Variants in RABGAP1L observed in about 807,000 individuals in gnomAD.
RABGAP1L encodes the protein rab GTPase-activating protein 1-like.
A neutral mutation model predicts 137.7 loss-of-function variants in RABGAP1L; 63 were observed. The observed-to-expected ratio is 0.46, with a 90% confidence interval of 0.37 to 0.56. RABGAP1L has a LOEUF of 0.56. RABGAP1L is among the 20% of genes least tolerant of loss of function. The pLI is 0.00. For missense variants in RABGAP1L, 1,095 were observed against 1,244.0 expected, an observed-to-expected ratio of 0.88 and a Z score of 1.80; for synonymous variants, 431 against 433.7, an observed-to-expected ratio of 0.99 and a Z score of 0.08.
intron 17 of RABGAP1L, among the ~76,000 whole-genome samples, chr1:174,739,026 C>G (rs1683176156): frequency 6.6e-6 from 1 of 152,148 alleles, no homozygotes; most frequent in Admixed American, 6.6e-5. Context: ...GGAGACATCT[C>G]CTCCTCACTA....
At chr1:174,200,224 A>G (rs1284348885) in intron 1 of RABGAP1L, among the ~76,000 whole-genome samples, 5 of 152,348 alleles carry the variant, frequency 3.3e-5, no homozygotes, top group Middle Eastern at 3.4e-3. Flanking sequence ...ATGAACTACA[A>G]AAGGATCTAT....
At chr1:174,907,099 A>T (rs890017771) in intron 19 of RABGAP1L, among the ~76,000 whole-genome samples, 1 of 152,180 alleles carries the variant, frequency 6.6e-6, no homozygotes, top group South Asian at 2.1e-4. Context: ...TTTTCAAGAT[A>T]TAAAACCCAC....
intron 19 of RABGAP1L, among the ~76,000 whole-genome samples, chr1:174,950,096 A>G (rs1667487256): frequency 6.6e-6 from 1 of 152,232 alleles, no homozygotes; most frequent in Non-Finnish European, 1.5e-5. Context: ...GGAAAGCTAG[A>G]CATGTCAGAT....
At chr1:174,710,009 G>A (rs1322630750) in intron 17 of RABGAP1L, among the ~76,000 whole-genome samples, 2 of 152,122 alleles carry the variant, frequency 1.3e-5, no homozygotes, top group East Asian at 1.9e-4. Flanking sequence ...CGAGAACTTC[G>A]TGAAGCATAC....
intron 17 of RABGAP1L, among the ~76,000 whole-genome samples, chr1:174,730,670 G>C (rs1682389948): frequency 6.6e-6 from 1 of 152,116 alleles, no homozygotes. Context: ...GGGTTCAACA[G>C]GATAAAGTGT....
At chr1:174,162,501 A>G (rs561113754) in intron 1 of RABGAP1L, among the ~76,000 whole-genome samples, 2 of 152,216 alleles carry the variant, frequency 1.3e-5, no homozygotes, top group South Asian at 2.1e-4. Flanking sequence ...TCCTATATTG[A>G]AGGTGTAGAA....
chr1:174,333,787 CTT>C (rs1681242927), intron 11 of RABGAP1L, among the ~76,000 whole-genome samples: 1 of 152,196 alleles, frequency 6.6e-6, no homozygotes, highest in African/African-American at 2.4e-5. Flanking sequence ...GGAAGGCTCA[CTT>C]GATCTGGAGC....
chr1:174,911,308 T>G (rs1419399033), intron 19 of RABGAP1L, among the ~76,000 whole-genome samples: 1 of 152,226 alleles, frequency 6.6e-6, no homozygotes, highest in Non-Finnish European at 1.5e-5. Flanking sequence ...TATTTTTGCT[T>G]TTTTTAAAGA....
At position 174,957,634 on chromosome 1, in the gene RABGAP1L, C is replaced by G. The variant is rs1668675956; in HGVS notation, c.2433+85C>G. ...GTCTTGCCGTGTTGCCCAGGCTGGT[C>G]TTGAACACCTGGCCTCAAGCAATCC... On this transcript the variant is annotated intron_variant, in intron 20 of 25. Transcript: ENST00000681986. 22 of 1,215,304 alleles carry G rather than the reference C, an allele frequency of 1.8e-5. No homozygotes were observed. In the South Asian group the frequency reaches 2.7e-4, roughly 15 times the overall value. The allele number at this position is 1,215,304 out of a possible 1,614,324, so 75.3% of individuals were successfully genotyped here. A position where few individuals can be genotyped will look rare whatever the true frequency, so the allele number is the denominator to read the frequency against.
chr1:174,611,475 G>A (rs1361031544), intron 13 of RABGAP1L, among the ~76,000 whole-genome samples: 2 of 150,324 alleles, frequency 1.3e-5, no homozygotes, highest in African/African-American at 4.9e-5. Flanking sequence ...AGTATAGTTT[G>A]AAGTCAGGTA....
intron 16 of RABGAP1L, chr1:174,701,226 TA>T: frequency 7.9e-7 from 1 of 1,271,710 alleles, no homozygotes; most frequent in Non-Finnish European, 1.0e-6. Context: ...GAGAAAAAAA[TA>T]AAGTTACCAT....
intron 14 of RABGAP1L, among the ~76,000 whole-genome samples, chr1:174,673,247 G>A (rs994761177): frequency 6.6e-6 from 1 of 152,130 alleles, no homozygotes. Flanking sequence ...GGAAACTGAT[G>A]ATAATGAAGA....
chr1:174,947,303 C>G (rs555491448), intron 19 of RABGAP1L, among the ~76,000 whole-genome samples: 3 of 150,806 alleles, frequency 2.0e-5, no homozygotes, highest in Non-Finnish European at 2.9e-5. Flanking sequence ...TGGTCTCAAA[C>G]TCTCAAACTC....
chr1:174,919,419 C>T (rs959752121), intron 19 of RABGAP1L, among the ~76,000 whole-genome samples: 8 of 152,170 alleles, frequency 5.3e-5, no homozygotes, highest in Admixed American at 2.0e-4. Flanking sequence ...TCGGCTTCTC[C>T]GTATGTCTTG....
chr1:174,612,715 T>G (rs1557898919), intron 13 of RABGAP1L, among the ~76,000 whole-genome samples: 1 of 152,214 alleles, frequency 6.6e-6, no homozygotes, highest in Non-Finnish European at 1.5e-5. Flanking sequence ...AAGCTATTGA[T>G]TATTGCCACA....
intron 1 of RABGAP1L, among the ~76,000 whole-genome samples, chr1:174,178,163 T>C (rs1354738814): frequency 6.6e-6 from 1 of 152,196 alleles, no homozygotes; most frequent in African/African-American, 2.4e-5. Flanking sequence ...CCTTGAGCAG[T>C]GGTTTGTAGT....
chr1:174,221,134 C>T lies in RABGAP1L; in HGVS notation c.301C>T (p.Leu101Phe). The change falls in exon 3 of 26, where the codon CTT becomes TTT. Residue 101 changes from leucine to phenylalanine, a missense_variant. Physicochemically the swap from Leu to Phe is conservative, Grantham distance 22. This residue lies in a region of RABGAP1L where 356 missense variants were observed against 326.3 expected (regional missense o/e 1.09). Transcript: ENST00000681986. ...IPASQTNKPS[L>F]QLILDPSNTE... ...AGCCAGCCAAACAAATAAGCCATCT[C>T]TTCAGTTAATTTTGGATCCGTCTAA... 2 of 1,612,244 alleles carry T rather than the reference C, an allele frequency of 1.2e-6. No individual in the cohort carries two copies. Among genetic ancestry groups the T allele is most frequent in the Non-Finnish European group, 1.7e-6 (2 of 1,178,946 alleles).
chr1:174,781,125 G>A (rs1420155925), intron 18 of RABGAP1L, among the ~76,000 whole-genome samples: 1 of 152,114 alleles, frequency 6.6e-6, no homozygotes, highest in Non-Finnish European at 1.5e-5. Flanking sequence ...TCTAGTTCTA[G>A]ATCCCTGAGG....
At chr1:174,515,917 A>C (rs543269611) in intron 13 of RABGAP1L, among the ~76,000 whole-genome samples, 3 of 152,206 alleles carry the variant, frequency 2.0e-5, no homozygotes, top group Admixed American at 2.0e-4. Context: ...TGTAACTTAG[A>C]TCACTTGGAG....
Sources: allele counts gnomAD v4.1 joint callset (sites outside exome capture counted in the v4.1 genomes callset), GRCh38; gene constraint gnomAD v4.1.1; regional missense constraint gnomAD v4.1.1; transcripts MANE v1.5; gene names NCBI Gene and HGNC (gene_info 2026-07-23, HGNC 2026-07-21).